The following PDE4DIP variants were observed in gnomAD, a reference collection of about 807,000 sequenced individuals.
PDE4DIP encodes phosphodiesterase 4D interacting protein.
Under a neutral mutation model 221.4 loss-of-function variants are expected in PDE4DIP, and 59 were observed. That is an observed-to-expected ratio of 0.27 (90% CI 0.22 to 0.33). PDE4DIP has a LOEUF of 0.33. Among genes scored for constraint, PDE4DIP ranks in the 10% least tolerant of loss-of-function variants. The pLI, the probability that PDE4DIP is intolerant of heterozygous loss-of-function variation, is 1.00. For synonymous variants in PDE4DIP, 404 were observed against 815.9 expected (o/e 0.50, Z 8.60); for missense variants, 1,036 against 2,154.2 (o/e 0.48, Z 10.28).
intron 22 of PDE4DIP, among the ~76,000 whole-genome samples, chr1:148,997,856 G>A (rs1419056871): frequency 3.3e-5 from 5 of 152,362 alleles, no homozygotes; most frequent in South Asian, 2.1e-4. Flanking sequence ...TTTCAACCTC[G>A]TTTGTTTGCA....
At chr1:149,010,418 T>C in intron 30 of PDE4DIP, 25 bp from the exon 34 acceptor site, 2 of 1,611,370 alleles carry the variant, frequency 1.2e-6, no homozygotes, top group Non-Finnish European at 1.7e-6. Context: ...CATCATACGT[T>C]TTCTTTCATT....
chr1:149,000,562 AAAAT>A (rs587634133), intron 23 of PDE4DIP, among the ~76,000 whole-genome samples: 844 of 147,922 alleles, frequency 5.7e-3, no homozygotes, highest in African/African-American at 0.021. Context: ...TCAAAAAAAA[AAAAT>A]AAATAAATAA....
intron 13 of PDE4DIP, 77 bp from the exon 17 acceptor site, chr1:148,968,759 A>G (rs879977501): frequency 4.2e-5 from 31 of 741,686 alleles, no homozygotes; most frequent in Middle Eastern, 3.9e-4. Context: ...CTTCTATGAT[A>G]GATTCTTATA....
intron 1 of PDE4DIP, among the ~76,000 whole-genome samples, chr1:148,919,272 C>G (rs1446024668): frequency 6.6e-6 from 1 of 151,330 alleles, no homozygotes; most frequent in Non-Finnish European, 1.5e-5. Context: ...TATTATCATT[C>G]TTATGGGCAA....
intron 21 of PDE4DIP, chr1:148,985,448 A>T (rs2061747127): frequency 1.3e-5 from 2 of 152,190 alleles, no homozygotes; most frequent in South Asian, 4.1e-4. Context: ...TTGTTAAAAC[A>T]TTTTATTATG....
intron 5 of PDE4DIP, chr1:148,952,403 C>CT (rs1358254599): frequency 9.3e-7 from 1 of 1,080,866 alleles, no homozygotes; most frequent in Admixed American, 5.4e-5. Flanking sequence ...TTTGCGTCTG[C>CT]GCGGCCGGCC....
chr1:148,952,187 T>G, intron 5 of PDE4DIP: 2 of 1,038,166 alleles, frequency 1.9e-6, no homozygotes, highest in Non-Finnish European at 2.3e-6. Context: ...CGGCTGGCTG[T>G]GGCCCGCGCC....
rs782265358 is a variant in PDE4DIP at position 148,967,838 on chromosome 1, A to C, written c.1718A>C (p.Gln573Pro). The change falls in exon 13 of 44, where the codon CAG (glutamine) becomes CCG (proline). Residue 573 changes from glutamine to proline, a missense_variant. By Grantham distance (76) the Gln-to-Pro change is moderately conservative. Transcript: ENST00000369354. ...ATGGAAACCAAATTTAGCCGTTGGC[A>C]GAAGGAACAAGAGAGTATCATTCAG... The C allele has an allele frequency of 1.6e-5, 18 of 1,134,816 alleles. No homozygotes were observed. The South Asian group carries it at 2.0e-4, about 12-fold the overall frequency. 70.3% of individuals were successfully genotyped at this position (1,134,816 alleles called of 1,614,324 possible). A position where few individuals can be genotyped will look rare whatever the true frequency, so the allele number is the denominator to read the frequency against.
intron 1 of PDE4DIP, among the ~76,000 whole-genome samples, chr1:148,902,800 CATTG>C (rs1553447743): frequency 9.2e-6 from 1 of 108,952 alleles, no homozygotes; most frequent in African/African-American, 4.3e-5. Context: ...TTTATCCACT[CATTG>C]ATTGGTGGGC....
At chr1:148,950,544 G>T (rs1162111552) in intron 5 of PDE4DIP, among the ~76,000 whole-genome samples, 1 of 151,082 alleles carries the variant, frequency 6.6e-6, no homozygotes, top group Non-Finnish European at 1.5e-5. Context: ...TCACAGTTCT[G>T]CAGGCTTTAT....
chr1:148,992,302 C>T, intron 22 of PDE4DIP: 1 of 1,590,710 alleles, frequency 6.3e-7, no homozygotes, highest in Non-Finnish European at 8.6e-7. Flanking sequence ...GACACATTCC[C>T]CTTGGGCTTT....
At chr1:148,963,127 C>T (rs1284747599) in intron 9 of PDE4DIP, among the ~76,000 whole-genome samples, 2 of 152,270 alleles carry the variant, frequency 1.3e-5, no homozygotes, top group Non-Finnish European at 2.9e-5. Flanking sequence ...CTCCTGACCT[C>T]GTGATCTGCC....
At chr1:148,997,064 G>T (rs1233925043) in intron 22 of PDE4DIP, among the ~76,000 whole-genome samples, 82 of 152,362 alleles carry the variant, frequency 5.4e-4, no homozygotes, top group African/African-American at 1.9e-3. Flanking sequence ...TTGACCCAAA[G>T]TTAAGTAAAA....
At chr1:148,983,537 C>A (rs1163742830) in intron 21 of PDE4DIP, 2 of 152,492 alleles carry the variant, frequency 1.3e-5, no homozygotes, top group Non-Finnish European at 2.9e-5. Context: ...AGAGAGCTTG[C>A]TGGTCTAACA....
chr1:148,953,135 G>A (rs782217411), intron 5 of PDE4DIP: 3 of 1,614,042 alleles, frequency 1.9e-6, no homozygotes, highest in South Asian at 1.1e-5. Flanking sequence ...TGACATGTCC[G>A]TCTTACCCGA....
intron 30 of PDE4DIP, 104 bp from the exon 34 acceptor site, chr1:149,010,339 C>A (rs1479408912): frequency 1.1e-6 from 1 of 906,650 alleles, no homozygotes; most frequent in East Asian, 2.4e-5. Context: ...GGTTCTTTCC[C>A]TGAAAGCAAG....
chr1:149,030,209 G>A (rs782455797), intron 42 of PDE4DIP, 23 bp from the exon 46 acceptor site: 1 of 1,427,874 alleles, frequency 7.0e-7, no homozygotes, highest in South Asian at 1.2e-5. Flanking sequence ...TTTCTACTCT[G>A]TGGTGCTCTT....
intron 17 of PDE4DIP, among the ~76,000 whole-genome samples, chr1:148,975,236 T>G (rs1553536461): frequency 6.8e-6 from 1 of 147,936 alleles, no homozygotes; most frequent in African/African-American, 2.5e-5. Context: ...GCTGTGTGAT[T>G]GCTGCTTAGA....
chr1:148,973,315 A>G (rs1272723541), intron 16 of PDE4DIP, among the ~76,000 whole-genome samples: 2 of 151,648 alleles, frequency 1.3e-5, no homozygotes, highest in African/African-American at 4.8e-5. Context: ...TATTTTTAGT[A>G]GAGACGGGGT....
Sources: allele counts gnomAD v4.1 joint callset (sites outside exome capture counted in the v4.1 genomes callset), GRCh38; gene constraint gnomAD v4.1.1; transcripts MANE v1.5; gene names NCBI Gene and HGNC (gene_info 2026-07-23, HGNC 2026-07-21).